The following PCOLCE2 variants were observed in gnomAD, a reference collection of about 807,000 sequenced individuals.
PCOLCE2 encodes procollagen C-proteinase enhancer 2.
PCOLCE2 carries 42 observed loss-of-function variants against 47.0 expected under a neutral mutation model. The observed-to-expected ratio is 0.89, with a 90% CI of 0.70 to 1.16. PCOLCE2 has a LOEUF of 1.16. Ranked by LOEUF, PCOLCE2 falls within the 50% of genes most tolerant of loss-of-function variation. The pLI, the probability that PCOLCE2 is intolerant of heterozygous loss-of-function variation, is 0.00. For synonymous variants in PCOLCE2, 169 were observed against 191.7 expected (o/e 0.88, Z 0.98); for missense variants, 500 against 526.1 (o/e 0.95, Z 0.49).
At position 142,842,025 on chromosome 3, in the gene PCOLCE2, C is replaced by T. The variant is rs1203509781; in HGVS notation, c.573+899G>A. Among the ~76,000 whole-genome samples the T allele has an allele frequency of 6.6e-6, 1 of 152,188 alleles. No homozygotes were observed. The highest frequency in any genetic ancestry group is 1.5e-5 in the Non-Finnish European group (1 of 68,032). On this transcript the variant is annotated intron_variant, in intron 4 of 8. Transcript: ENST00000295992. The surrounding 1 kb of genome is among the most constrained non-coding windows in gnomAD (Gnocchi z 4.1). ...AATTAATAAATACTGGAAAAGTCGA[C>T]CTTCTCTGTTGATTATTTCAGAACA...
chr3:142,883,950 G>C (rs188947759), intron 2 of PCOLCE2, among the ~76,000 whole-genome samples: 100 of 152,182 alleles, frequency 6.6e-4, no homozygotes, highest in Non-Finnish European at 1.3e-3. Flanking sequence ...AGGGCCTTGG[G>C]AACACATCCT....
chr3:142,862,683 A>G (rs529043199), intron 2 of PCOLCE2, among the ~76,000 whole-genome samples: 4 of 152,296 alleles, frequency 2.6e-5, no homozygotes, highest in African/African-American at 9.6e-5. Context: ...TTATAAAATA[A>G]TGTATAAGAG....
At chr3:142,820,412 C>T (rs970894780) in intron 8 of PCOLCE2, among the ~76,000 whole-genome samples, 3 of 152,056 alleles carry the variant, frequency 2.0e-5, no homozygotes, top group African/African-American at 4.8e-5. Flanking sequence ...AGTAACTTTC[C>T]GTTTTTCGTA....
In PCOLCE2 at chr3:142,882,014, A is replaced by G. The variant is rs553831395; in HGVS notation, c.192+5655T>C. Among the ~76,000 whole-genome samples the G allele has an allele frequency of 6.6e-5, 10 of 152,040 alleles. No individual in the cohort carries two copies. In the South Asian group the frequency reaches 1.9e-3, roughly 28 times the overall value. ...AGGTCTGTGACTCTCTGGCCCTCCCACATCATCATCATCGTCGTCATCATC... is the reference window on the plus strand; with the variant it reads ...AGGTCTGTGACTCTCTGGCCCTCCCGCATCATCATCATCGTCGTCATCATC... On this transcript the variant is annotated intron_variant, in intron 2 of 8. Coordinates refer to ENST00000295992, the MANE Select transcript of PCOLCE2 (RefSeq NM_013363.4).
intron 2 of PCOLCE2, among the ~76,000 whole-genome samples, chr3:142,875,827 G>A (rs183809296): frequency 6.6e-6 from 1 of 152,144 alleles, no homozygotes; most frequent in East Asian, 1.9e-4. Flanking sequence ...CATCCCCAAA[G>A]CATCTCTCAA....
chr3:142,821,128 GT>G (rs1937008673), intron 7 of PCOLCE2, 83 bp from the exon 8 acceptor site: 2 of 1,061,602 alleles, frequency 1.9e-6, no homozygotes, highest in Non-Finnish European at 2.8e-6. Flanking sequence ...ATTCTTCTAA[GT>G]TTCAGATACG....
At chr3:142,849,080 G>T (rs911099505) in intron 2 of PCOLCE2, among the ~76,000 whole-genome samples, 1 of 151,974 alleles carries the variant, frequency 6.6e-6, no homozygotes, top group Non-Finnish European at 1.5e-5. Context: ...GTGAACCCGG[G>T]AGGCGGAGCT....
chr3:142,859,545 A>AT (rs1933139017), intron 2 of PCOLCE2, among the ~76,000 whole-genome samples: 2 of 151,112 alleles, frequency 1.3e-5, no homozygotes, highest in African/African-American at 2.4e-5. Flanking sequence ...AATTACACTA[A>AT]TTTTTTCTTT....
chr3:142,865,666 T>C (rs534944551), intron 2 of PCOLCE2, among the ~76,000 whole-genome samples: 1 of 152,292 alleles, frequency 6.6e-6, no homozygotes, highest in Non-Finnish European at 1.5e-5. Context: ...TAGAGGATAA[T>C]ATAAAAGAGT....
chr3:142,846,515 A>C (rs1040179909), intron 3 of PCOLCE2: 1 of 152,182 alleles, frequency 6.6e-6, no homozygotes, highest in Non-Finnish European at 1.5e-5. Context: ...TGACTCTGTG[A>C]GTTGATATTT....
intron 2 of PCOLCE2, among the ~76,000 whole-genome samples, chr3:142,882,567 GTT>G (rs1933645001): frequency 6.6e-6 from 1 of 151,828 alleles, no homozygotes; most frequent in Admixed American, 6.6e-5. Flanking sequence ...CTCATTTTAT[GTT>G]TGTTTATCAT....
Position 142,828,604 on chromosome 3 carries a change from G to C in PCOLCE2, c.865+1088C>G, listed in dbSNP as rs372659918. On this transcript the variant is annotated intron_variant, in intron 6 of 8. Coordinates refer to ENST00000295992, the MANE Select transcript of PCOLCE2 (RefSeq NM_013363.4). ...GCTGTGGACGTGCTTGGGAAAATAG[G>C]TGGAGAAGTAGGTCTGAGGCAGAAA... Among the ~76,000 whole-genome samples the C allele has an allele frequency of 6.6e-5, 10 of 152,184 alleles. 1 individual carries two copies. In the East Asian group the frequency reaches 1.9e-3, roughly 29 times the overall value.
At chr3:142,836,098 A>G (rs1044801009) in intron 5 of PCOLCE2, among the ~76,000 whole-genome samples, 5 of 152,198 alleles carry the variant, frequency 3.3e-5, no homozygotes, top group African/African-American at 1.2e-4. Flanking sequence ...GAAGCTTTAA[A>G]CTAAATTCTT....
chr3:142,859,316 G>C (rs1281305169), intron 2 of PCOLCE2, among the ~76,000 whole-genome samples: 1 of 151,952 alleles, frequency 6.6e-6, no homozygotes, highest in Non-Finnish European at 1.5e-5. Context: ...ACCCACCTCA[G>C]CTTCACAAAG....
intron 6 of PCOLCE2, among the ~76,000 whole-genome samples, chr3:142,826,368 C>T (rs1258598387): frequency 6.6e-6 from 1 of 152,094 alleles, no homozygotes; most frequent in African/African-American, 2.4e-5. Flanking sequence ...AGATCCCCAC[C>T]AAACCTCCAA....
intron 3 of PCOLCE2, among the ~76,000 whole-genome samples, chr3:142,846,259 C>T (rs759275318): frequency 2.0e-5 from 3 of 152,108 alleles, no homozygotes; most frequent in African/African-American, 7.2e-5. Context: ...AGGGCAGTGG[C>T]GCAATCTCGG....
chr3:142,843,438 A>G, intron 3 of PCOLCE2: 1 of 376,442 alleles, frequency 2.7e-6, no homozygotes, highest in South Asian at 2.1e-5. Context: ...CAAAATTTGA[A>G]TTAGTTGATA....
At chr3:142,882,589 A>ATTATTATTTTTTTTTTTTTTTTTTTT (rs1188049251) in intron 2 of PCOLCE2, among the ~76,000 whole-genome samples, 1 of 151,640 alleles carries the variant, frequency 6.6e-6, no homozygotes, top group African/African-American at 2.4e-5. Flanking sequence ...TTATTATTAT[A>ATTATTATTTTTTTTTTTTTTTTTTTT]CTTTAGAGAA....
Position 142,888,831 on chromosome 3 carries a change from C to G in PCOLCE2, c.66G>C (p.Arg22=). 1.3e-6 allele frequency: 2 copies of G among 1,543,168 alleles called. No homozygotes were observed. Among genetic ancestry groups the G allele is most frequent in the Non-Finnish European group, 1.7e-6 (2 of 1,147,466 alleles). Residue 22 remains arginine (R), a synonymous_variant, in exon 1 of 9, where the codon CGG becomes CGC. Transcript: ENST00000295992. ...LLLAAATQLS[R]QQSPERPVFT... ...CGCGTTACCTCTCTGGGGACTGCTG[C>G]CGCGAGAGCTGGGTGGCGGCAGCCA...
Sources: gnomAD v4.1 joint callset for allele counts (sites outside exome capture counted in the v4.1 genomes callset) on GRCh38, gnomAD v4.1.1 for gene constraint, Gnocchi (gnomAD v3.1) non-coding constraint, MANE v1.5 for transcripts, NCBI Gene and HGNC (gene_info 2026-07-23, HGNC 2026-07-21) for gene names.